Variants in GRID2 observed in about 807,000 individuals in gnomAD.
GRID2 encodes glutamate ionotropic receptor delta type subunit 2.
In GRID2, 33 loss-of-function variants were observed where a neutral mutation model predicts 114.8. The ratio of observed to expected loss-of-function variants is 0.29; its 90% CI spans 0.22 to 0.38. GRID2 has a LOEUF of 0.38. GRID2 is among the 10% of genes least tolerant of loss of function. The pLI is 1.00. For synonymous variants in GRID2, 505 were observed against 449.9 expected, an observed-to-expected ratio of 1.12 and a Z score of -1.55; for missense variants, 1,184 against 1,257.7, an observed-to-expected ratio of 0.94 and a Z score of 0.89.
At chr4:92,597,480 G>A (rs1028133780) in intron 2 of GRID2, among the ~76,000 whole-genome samples, 16 of 152,126 alleles carry the variant, frequency 1.1e-4, no homozygotes, top group Non-Finnish European at 2.2e-4. Context: ...ATCTACAATT[G>A]TGATCTGTTG....
intron 11 of GRID2, among the ~76,000 whole-genome samples, chr4:93,458,560 A>G (rs373705933): frequency 3.7e-4 from 57 of 152,308 alleles, no homozygotes; most frequent in Non-Finnish European, 4.7e-4. Flanking sequence ...GTTGGGAGTC[A>G]TAAACTTGTG....
At chr4:93,351,823 A>G (rs1475419165) in intron 8 of GRID2, among the ~76,000 whole-genome samples, 1 of 152,098 alleles carries the variant, frequency 6.6e-6, no homozygotes, top group Non-Finnish European at 1.5e-5. Context: ...TTAAATCTAA[A>G]TTTATTTAAC....
chr4:93,352,770 G>C (rs1760928388), intron 8 of GRID2, among the ~76,000 whole-genome samples: 1 of 152,014 alleles, frequency 6.6e-6, no homozygotes. Flanking sequence ...TATTCCTAAA[G>C]AGCAAGACTA....
chr4:93,027,373 ACAGTACAATTTCTTAGCATGC>A (rs563522926), intron 2 of GRID2, among the ~76,000 whole-genome samples: 229 of 152,206 alleles, frequency 1.5e-3, no homozygotes, highest in Non-Finnish European at 2.5e-3. Context: ...TTGAGGCGGG[ACAGTACAATTTCTTAGCATGC>A]CTAGAAAACA....
intron 13 of GRID2, among the ~76,000 whole-genome samples, chr4:93,623,172 T>C (rs1029065333): frequency 6.6e-6 from 1 of 152,164 alleles, no homozygotes; most frequent in South Asian, 2.1e-4. Flanking sequence ...ATTATTATTA[T>C]ACTTTAAGTT....
chr4:93,129,901 G>C (rs1304205858), intron 4 of GRID2, among the ~76,000 whole-genome samples: 1 of 152,078 alleles, frequency 6.6e-6, no homozygotes, highest in Non-Finnish European at 1.5e-5. Flanking sequence ...TTCAGAGATG[G>C]AGTGGATCTA....
intron 7 of GRID2, among the ~76,000 whole-genome samples, chr4:93,229,883 TC>T (rs1450295717): frequency 6.6e-6 from 1 of 152,142 alleles, no homozygotes; most frequent in East Asian, 1.9e-4. Context: ...TCATTTTCAT[TC>T]TTTTTTTAAA....
chr4:92,541,527 A>C (rs1725953295), intron 1 of GRID2, among the ~76,000 whole-genome samples: 1 of 152,010 alleles, frequency 6.6e-6, no homozygotes, highest in Admixed American at 6.6e-5. Context: ...TTTTTTTCAC[A>C]GGCAAATTTA....
At chr4:93,262,416 A>G (rs1229874878) in intron 8 of GRID2, among the ~76,000 whole-genome samples, 2 of 151,970 alleles carry the variant, frequency 1.3e-5, no homozygotes, top group Non-Finnish European at 2.9e-5. Context: ...TATGAAGAAT[A>G]TTAAGGATTG....
At chr4:92,973,004 A>T (rs115614167) in intron 2 of GRID2, among the ~76,000 whole-genome samples, 1 of 152,104 alleles carries the variant, frequency 6.6e-6, no homozygotes, top group African/African-American at 2.4e-5. Context: ...AATCCAGTCT[A>T]TCGTTGATGG....
At chr4:93,491,085 T>C (rs565787537) in intron 12 of GRID2, among the ~76,000 whole-genome samples, 3 of 151,794 alleles carry the variant, frequency 2.0e-5, no homozygotes, top group Non-Finnish European at 4.4e-5. Flanking sequence ...TGACTAACAC[T>C]GTGAAAAGGA....
At chr4:93,454,099 A>AT (rs1324766921) in intron 10 of GRID2, among the ~76,000 whole-genome samples, 2 of 151,992 alleles carry the variant, frequency 1.3e-5, no homozygotes, top group African/African-American at 4.8e-5. Flanking sequence ...TGAAAGCAAT[A>AT]TTTTTCTGCA....
At chr4:93,558,296 G>A (rs545157836) in intron 13 of GRID2, among the ~76,000 whole-genome samples, 66 of 152,112 alleles carry the variant, frequency 4.3e-4, no homozygotes, top group Non-Finnish European at 6.3e-4. Context: ...ATGAATCCAG[G>A]AGATGGTTTT....
chr4:92,803,775 T>G (rs1470749878), intron 2 of GRID2, among the ~76,000 whole-genome samples: 2 of 152,052 alleles, frequency 1.3e-5, no homozygotes, highest in Non-Finnish European at 2.9e-5. Context: ...ACATTCTTTT[T>G]GTATTTGTTT....
At chr4:92,485,042 G>A (rs965167590) in intron 1 of GRID2, among the ~76,000 whole-genome samples, 6 of 151,202 alleles carry the variant, frequency 4.0e-5, no homozygotes, top group African/African-American at 7.3e-5. Flanking sequence ...GCTGCTACAG[G>A]CAGGTCATTT....
At chr4:93,548,281 A>C (rs1339363564) in intron 13 of GRID2, among the ~76,000 whole-genome samples, 1 of 152,188 alleles carries the variant, frequency 6.6e-6, no homozygotes, top group Non-Finnish European at 1.5e-5. Flanking sequence ...TGAAGAAAAC[A>C]ATGTCTTATC....
intron 11 of GRID2, among the ~76,000 whole-genome samples, chr4:93,465,932 T>C (rs901123678): frequency 6.6e-6 from 1 of 152,180 alleles, no homozygotes; most frequent in African/African-American, 2.4e-5. Flanking sequence ...TAATAGACTA[T>C]AGCCAGGAAT....
exon 2 of GRID2, chr4:93,807,142 T>C (rs1409037355): frequency 5.9e-5 from 9 of 152,256 alleles, no homozygotes; most frequent in Non-Finnish European, 1.5e-5. Context: ...AGGATGCTTC[T>C]ATGCAGTGGA....
At chr4:93,756,798 C>A (rs890361935) in intron 14 of GRID2, among the ~76,000 whole-genome samples, 3 of 152,156 alleles carry the variant, frequency 2.0e-5, no homozygotes, top group African/African-American at 7.2e-5. Context: ...ATCAAGTTAA[C>A]AAATATTTAT....
Sources: gnomAD v4.1 joint callset for allele counts (sites outside exome capture counted in the v4.1 genomes callset) on GRCh38, gnomAD v4.1.1 for gene constraint, MANE v1.5 for transcripts, NCBI Gene and HGNC (gene_info 2026-07-23, HGNC 2026-07-21) for gene names.